HLA-G: variants seen among roughly 807,000 people sequenced by gnomAD.
HLA-G encodes HLA class I histocompatibility antigen, alpha chain G.
HLA-G carries 34 observed loss-of-function variants against 39.3 expected under a neutral mutation model. The observed-to-expected ratio is 0.86, with a 90% CI of 0.66 to 1.15. The LOEUF (loss-of-function observed/expected upper bound fraction) is 1.15, where lower values mean the gene tolerates loss of function less well. Among genes scored for constraint, HLA-G ranks in the 50% most tolerant of loss-of-function variants. The pLI is 0.00. For synonymous variants in HLA-G, 183 were observed against 185.8 expected (o/e 0.99, Z 0.12); for missense variants, 419 against 456.4 (o/e 0.92, Z 0.75).
chr6:29,828,423 G>T, intron 2 of HLA-G, 107 bp downstream of exon 2: 1 of 1,550,036 alleles, frequency 6.5e-7, no homozygotes, highest in East Asian at 2.3e-5. Flanking sequence ...CCGAGGCCGC[G>T]GGACCCGCCC....
intron 3 of HLA-G, 50 bp from the exon 4 acceptor site, chr6:29,829,368 T>G: frequency 6.3e-7 from 1 of 1,579,286 alleles, no homozygotes. Context: ...GCTGCTGGAG[T>G]GTCCCATGAG....
rs775653233 is a variant in HLA-G at position 29,828,193 on chromosome 6, C to A, written c.220C>A (p.Pro74Thr). The A allele has an allele frequency of 1.2e-6, 2 of 1,613,386 alleles. No individual in the cohort carries two copies. Among genetic ancestry groups the A allele is most frequent in the Non-Finnish European group, 1.7e-6 (2 of 1,179,880 alleles). Reference sequence around the variant, plus strand: ...GTGTCCGAGGATGGAGCCGCGGGCGCCGTGGGTGGAGCAGGAGGGGCCGGA... The same window carrying A: ...GTGTCCGAGGATGGAGCCGCGGGCGACGTGGGTGGAGCAGGAGGGGCCGGA... ...SACPRMEPRA[P>T]WVEQEGPEYW... is the part of the protein sequence containing the mutation. The change falls in exon 2 of 7, where the codon CCG (proline) becomes ACG (threonine). Residue 74 changes from proline to threonine, a missense_variant. Transcript: ENST00000360323.
chr6:29,827,808 C>T (rs377104360), upstream of HLA-G: 11 of 1,594,836 alleles, frequency 6.9e-6, no homozygotes, highest in African/African-American at 1.3e-5. Flanking sequence ...AAAGTCCTCG[C>T]TCACCCACCC....
rs79178226 is a variant in HLA-G, at chr6:29,828,205, C to G, written c.232C>G (p.Gln78Glu). 1 of 1,613,506 alleles carries G rather than the reference C, an allele frequency of 6.2e-7. No homozygotes were observed. The highest frequency in any genetic ancestry group is 1.7e-5 in the Admixed American group (1 of 60,012). The change falls in exon 2 of 7, where the codon CAG becomes GAG. Residue 78 changes from glutamine (Q) to glutamate (E), a missense_variant. Around this residue, in one of 2 missense-constraint regions of HLA-G, gnomAD observed 91 missense variants for 133.4 expected, o/e 0.68. Coordinates refer to ENST00000360323, the MANE Select transcript of HLA-G (RefSeq NM_001384290.1). ...RMEPRAPWVE[Q>E]EGPEYWEEET... ...GGAGCCGCGGGCGCCGTGGGTGGAGCAGGAGGGGCCGGAGTATTGGGAAGA... is the reference window on the plus strand; with the variant it reads ...GGAGCCGCGGGCGCCGTGGGTGGAGGAGGAGGGGCCGGAGTATTGGGAAGA...
chr6:29,826,714 T>G (rs1760716087), upstream of HLA-G, among the ~76,000 whole-genome samples: 1 of 152,238 alleles, frequency 6.6e-6, no homozygotes, highest in Non-Finnish European at 1.5e-5. Flanking sequence ...AATACATCCA[T>G]CTACAGAGCT....
chr6:29,827,401 G>A, upstream of HLA-G: 3 of 355,310 alleles, frequency 8.4e-6, no homozygotes, highest in Non-Finnish European at 1.7e-5. Context: ...GAGTACAGGA[G>A]GACAGGCAAG....
At chr6:29,830,610 C>CG (rs1562473495) in intron 6 of HLA-G, 158 bp from the exon 7 acceptor site, 3 of 737,716 alleles carry the variant, frequency 4.1e-6, no homozygotes, top group Non-Finnish European at 2.5e-6. Flanking sequence ...TGTGACACCC[C>CG]GGGGGGCCTG....
Position 29,829,429 on chromosome 6 carries a change from A to G in HLA-G, c.631A>G (p.Thr211Ala). Residue 211 changes from threonine (T) to alanine (A), a missense_variant, in exon 4 of 7, where the codon ACA becomes GCA. Coordinates refer to ENST00000360323, the MANE Select transcript of HLA-G (RefSeq NM_001384290.1). ...ACTCTTCCTTTCAGACCCCCCCAAG[A>G]CACACGTGACCCACCACCCTGTCTT... is the stretch of plus-strand genomic sequence containing the variant. ...EMLQRADPPK[T>A]HVTHHPVFDY... 1.2e-6 allele frequency: 2 copies of G among 1,613,552 alleles called. No individual in the cohort carries two copies. Among genetic ancestry groups the G allele is most frequent in the Non-Finnish European group, 1.7e-6 (2 of 1,179,690 alleles).
rs776226094 is a variant in HLA-G, at chr6:29,827,856, G to C, written c.12G>C (p.Met4Ile). Reference protein sequence around the residue: MVVMAPRTLFLLLS... With the variant: MVVIAPRTLFLLLS... ...CCCAGACGCCAAGGATGGTGGTCAT[G>C]GCGCCCCGAACCCTCTTCCTGCTGC... Residue 4 changes from methionine to isoleucine, a missense_variant, in exon 1 of 7, where the codon ATG becomes ATC. Physicochemically the swap from Met to Ile is conservative, Grantham distance 10. Coordinates refer to ENST00000360323, the MANE Select transcript of HLA-G (RefSeq NM_001384290.1). The C allele has an allele frequency of 6.2e-7, 1 of 1,613,406 alleles. No homozygotes were observed. Among genetic ancestry groups the C allele is most frequent in the East Asian group, 2.2e-5 (1 of 44,862 alleles).
At chr6:29,830,335 C>T in intron 5 of HLA-G, 43 bp from the exon 6 acceptor site, 1 of 1,611,972 alleles carries the variant, frequency 6.2e-7, no homozygotes, top group Admixed American at 1.7e-5. Flanking sequence ...CCTCATGGCC[C>T]TGCCACCTTT....
At chr6:29,826,892 T>C (rs766437846), upstream of HLA-G, 9 of 447,622 alleles carry the variant, frequency 2.0e-5, no homozygotes, top group Non-Finnish European at 3.7e-5. Flanking sequence ...TGAGCACTAG[T>C]GAGGGGCATT....
intron 3 of HLA-G, among the ~76,000 whole-genome samples, chr6:29,829,125 C>A (rs1244469041): frequency 6.7e-6 from 1 of 149,764 alleles, no homozygotes; most frequent in African/African-American, 2.5e-5. Flanking sequence ...CCCCTCAGGC[C>A]TTGTTCTCTG....
Position 29,830,369 on chromosome 6 carries a change from T to A in HLA-G, c.1013-9T>A. On this transcript the variant is annotated splice_polypyrimidine_tract_variant and intron_variant, in intron 5 of 6. Coordinates refer to ENST00000360323, the MANE Select transcript of HLA-G (RefSeq NM_001384290.1). ...TTCTGGCCTCTCACAGGACATTTTC[T>A]TCCCACAGATTGAAAAGGAGGGAGC... 6.2e-7 allele frequency: 1 copy of A among 1,613,790 alleles called. No individual in the cohort carries two copies. The highest frequency in any genetic ancestry group is 1.1e-5 in the South Asian group (1 of 91,058).
chr6:29,829,527 G>A lies in HLA-G; in HGVS notation c.729G>A (p.Arg243=), dbSNP rs868805502. ...CGGAGATCATACTGACCTGGCAGCG[G>A]GATGGGGAGGACCAGACCCAGGACG... is the stretch of plus-strand genomic sequence containing the variant. ...YPAEIILTWQ[R]DGEDQTQDVE... Residue 243 remains arginine, a synonymous_variant, in exon 4 of 7, where the codon CGG becomes CGA. Transcript: ENST00000360323. 6.2e-7 allele frequency: 1 copy of A among 1,613,802 alleles called. No homozygotes were observed. The highest frequency in any genetic ancestry group is 1.7e-5 in the Admixed American group (1 of 59,986).
At chr6:29,828,968 G>A in intron 3 of HLA-G, 150 bp downstream of exon 3, 1 of 1,049,084 alleles carries the variant, frequency 9.5e-7, no homozygotes, top group Non-Finnish European at 1.4e-6. Context: ...TCCAGATCCT[G>A]TACCAGAGAG....
Position 29,828,077 on chromosome 6 carries a change from C to T in HLA-G, c.104C>T (p.Ala35Val). The part of the protein sequence containing the change: ...GSHSMRYFSA[A>V]VSRPGRGEPR... ...CACTCCATGAGGTATTTCAGCGCCGCCGTGTCCCGGCCCGGCCGCGGGGAG... is the reference window on the plus strand; with the variant it reads ...CACTCCATGAGGTATTTCAGCGCCGTCGTGTCCCGGCCCGGCCGCGGGGAG... Residue 35 changes from alanine to valine, a missense_variant, in exon 2 of 7, where the codon GCC becomes GTC. Physicochemically the swap from Ala to Val is moderately conservative, Grantham distance 64. This residue lies in a region of HLA-G where 91 missense variants were observed against 133.4 expected (regional missense o/e 0.68). Transcript: ENST00000360323. 6.2e-7 allele frequency: 1 copy of T among 1,611,960 alleles called. No individual in the cohort carries two copies. The highest frequency in any genetic ancestry group is 1.1e-5 in the South Asian group (1 of 90,972).
At position 29,828,707 on chromosome 6, in the gene HLA-G, A is replaced by G. The variant is rs375611189; in HGVS notation, c.508A>G (p.Lys170Glu). The change falls in exon 3 of 7, where the codon AAG (lysine) becomes GAG (glutamate). Residue 170 changes from lysine (K) to glutamate (E), a missense_variant. Lys to Glu is a moderately conservative substitution (Grantham distance 56). Around this residue, in one of 2 missense-constraint regions of HLA-G, gnomAD observed 328 missense variants for 323.0 expected, o/e 1.02. Transcript: ENST00000360323. Reference protein sequence around the residue: ...ADTAAQISKRKCEAANVAEQR... With the variant: ...ADTAAQISKRECEAANVAEQR... ...CACTGCGGCTCAGATCTCCAAGCGC[A>G]AGTGTGAGGCGGCCAATGTGGCTGA... 6.9e-5 allele frequency: 111 copies of G among 1,613,796 alleles called. No homozygotes were observed. In the South Asian group the frequency reaches 8.0e-4, roughly 12 times the overall value.
chr6:29,829,929 T>C lies in HLA-G; in HGVS notation c.1009T>C (p.Ser337Pro). The C allele has an allele frequency of 6.2e-7, 1 of 1,607,196 alleles. No individual in the cohort carries two copies. Among genetic ancestry groups the C allele is most frequent in the Non-Finnish European group, 8.5e-7 (1 of 1,174,766 alleles). ...TGCTGTGCTGTGGAGAAAGAAGAGC[T>C]CAGGTAAGGAAGGGGTGACAAGTGG... ...VAAVLWRKKS[S>P]D Residue 337 changes from serine (S) to proline (P), a missense_variant, in exon 5 of 7, where the codon TCA becomes CCA. Ser to Pro is a moderately conservative substitution (Grantham distance 74). Transcript: ENST00000360323.
Position 29,829,822 on chromosome 6 carries a change from C to T in HLA-G, c.902C>T (p.Ser301Phe), listed in dbSNP as rs1562472361. The T allele has an allele frequency of 6.2e-7, 1 of 1,613,046 alleles. No individual in the cohort carries two copies. The highest frequency in any genetic ancestry group is 1.1e-5 in the South Asian group (1 of 91,010). The change falls in exon 5 of 7, where the codon TCT becomes TTT. Residue 301 changes from serine to phenylalanine, a missense_variant. This residue lies in a region of HLA-G where 328 missense variants were observed against 323.0 expected (regional missense o/e 1.02). Coordinates refer to ENST00000360323, the MANE Select transcript of HLA-G (RefSeq NM_001384290.1). ...PEPLMLRWKQ[S>F]SLPTIPIMGI... is the part of the protein sequence containing the mutation. ...CCTTCACCTCCTTTCCCAGAGCAGT[C>T]TTCCCTGCCCACCATCCCCATCATG... is the stretch of plus-strand genomic sequence containing the variant.
Sources: allele counts gnomAD v4.1 joint callset (sites outside exome capture counted in the v4.1 genomes callset), GRCh38; gene constraint gnomAD v4.1.1; regional missense constraint gnomAD v4.1.1; transcripts MANE v1.5; gene names NCBI Gene and HGNC (gene_info 2026-07-23, HGNC 2026-07-21).